IL7: variants seen among roughly 807,000 people sequenced by gnomAD.
IL7 encodes interleukin-7.
Under a neutral mutation model 21.6 loss-of-function variants are expected in IL7, and 3 were observed. The observed-to-expected ratio is 0.14, with a 90% CI of 0.06 to 0.36. IL7 has a LOEUF of 0.36. IL7 is among the 10% of genes least tolerant of loss of function. IL7 has a pLI of 1.00. For missense variants in IL7, 175 were observed against 200.2 expected (o/e 0.87, Z 0.76); for synonymous variants, 62 against 68.1 (o/e 0.91, Z 0.44).
chr8:78,706,999 T>A (rs1810794504), intron 3 of IL7, among the ~76,000 whole-genome samples: 1 of 152,228 alleles, frequency 6.6e-6, no homozygotes, highest in East Asian at 1.9e-4. Flanking sequence ...GATCAGGTAG[T>A]TGAAAAGTAA....
chr8:78,702,452 T>C (rs1392133717), intron 3 of IL7, among the ~76,000 whole-genome samples: 3 of 152,194 alleles, frequency 2.0e-5, no homozygotes, highest in Non-Finnish European at 4.4e-5. Flanking sequence ...TGGTTTTTCA[T>C]GTATCTTCTT....
chr8:78,799,266 T>C (rs1813970313), intron 1 of IL7, among the ~76,000 whole-genome samples: 1 of 152,136 alleles, frequency 6.6e-6, no homozygotes, highest in African/African-American at 2.4e-5. Context: ...GGAACTAATA[T>C]TGTGACAGCC....
intron 3 of IL7, chr8:78,698,525 C>T: frequency 6.4e-7 from 1 of 1,558,576 alleles, no homozygotes; most frequent in Non-Finnish European, 8.8e-7. Flanking sequence ...TAAGTCTACA[C>T]TGGATATAAT....
At chr8:78,720,125 C>A (rs954485961) in intron 5 of IL7, among the ~76,000 whole-genome samples, 1 of 151,714 alleles carries the variant, frequency 6.6e-6, no homozygotes, top group African/African-American at 2.4e-5. Context: ...ATATTTTAGA[C>A]CACATTTAAA....
downstream of IL7, among the ~76,000 whole-genome samples, chr8:78,716,553 C>CA (rs1811111875): frequency 6.6e-6 from 1 of 152,158 alleles, no homozygotes; most frequent in South Asian, 2.1e-4. Context: ...AGCATCACCT[C>CA]ACAATCCTTG....
chr8:78,719,357 G>C (rs765427708), intron 5 of IL7: 6 of 151,668 alleles, frequency 4.0e-5, no homozygotes, highest in Non-Finnish European at 4.4e-5. Flanking sequence ...ACCACATGGA[G>C]ATGAGTTGGT....
chr8:78,787,885 A>G (rs1278097113), intron 2 of IL7, among the ~76,000 whole-genome samples: 1 of 152,142 alleles, frequency 6.6e-6, no homozygotes, highest in Non-Finnish European at 1.5e-5. Flanking sequence ...AGTCTCTCAG[A>G]GTTCTGGAAG....
At chr8:78,739,902 A>C (rs1029342638) in intron 3 of IL7, 100 bp downstream of exon 3, 1 of 1,037,132 alleles carries the variant, frequency 9.6e-7, no homozygotes, top group African/African-American at 1.7e-5. Context: ...TCAGGCTGCA[A>C]ATATTAATAG....
At chr8:78,682,466 A>G (rs1266147239) in intron 4 of IL7, among the ~76,000 whole-genome samples, 2 of 152,118 alleles carry the variant, frequency 1.3e-5, no homozygotes, top group Non-Finnish European at 2.9e-5. Flanking sequence ...GGCAGACAAG[A>G]GCAGGGGAAC....
At chr8:78,710,047 C>G (rs1810905089) in intron 3 of IL7, among the ~76,000 whole-genome samples, 1 of 152,044 alleles carries the variant, frequency 6.6e-6, no homozygotes. Context: ...ATGACTTTTC[C>G]TATGTTAAAG....
chr8:78,707,086 A>G lies in IL7; in HGVS notation n.214+14262T>C, dbSNP rs76636461. Among the ~76,000 whole-genome samples the G allele has an allele frequency of 1.7e-4, 26 of 152,338 alleles. No homozygotes were observed. The East Asian group carries it at 5.0e-3, about 29-fold the overall frequency. On this transcript the variant is annotated intron_variant and non_coding_transcript_variant, in intron 3 of 4. Coordinates refer to the IL7 transcript ENST00000523959. ...CAATGAGTTGACTCATTGGATGATT[A>G]AGTGAAGTATAGACATAGCAATATG...
At chr8:78,799,842 C>G (rs1047016248) in intron 1 of IL7, among the ~76,000 whole-genome samples, 2 of 152,216 alleles carry the variant, frequency 1.3e-5, no homozygotes, top group African/African-American at 4.8e-5. Flanking sequence ...CCTCTCTCTT[C>G]TACTCCTGTT....
rs187367044 is a variant in IL7, at chr8:78,725,920, C to T, written n.268-4480G>A. On this transcript the variant is annotated intron_variant and non_coding_transcript_variant, in intron 3 of 6. Coordinates refer to the IL7 transcript ENST00000519833. ...GATCAAAACTTTATTTTATTTAATT[C>T]CCACCAGGCACTATTTTAGGTGCAG... 3.7e-3 allele frequency among the ~76,000 whole-genome samples: 565 copies of T among 151,922 alleles called. 2 individuals are homozygous for T. Among genetic ancestry groups the T allele is most frequent in the Non-Finnish European group, 6.6e-3 (445 of 67,908 alleles).
chr8:78,762,447 G>A (rs905767208), intron 2 of IL7: 6 of 1,572,160 alleles, frequency 3.8e-6, no homozygotes, highest in Admixed American at 1.9e-5. Flanking sequence ...CCCGCCCGCC[G>A]GCCGGTCCAG....
intron 2 of IL7, among the ~76,000 whole-genome samples, chr8:78,793,128 A>C (rs1813747442): frequency 6.6e-6 from 1 of 152,176 alleles, no homozygotes; most frequent in Admixed American, 6.6e-5. Context: ...CAATACAAAA[A>C]GCTGCATATC....
chr8:78,804,399 G>A (rs1315517114), intron 1 of IL7, among the ~76,000 whole-genome samples: 1 of 152,160 alleles, frequency 6.6e-6, no homozygotes, highest in African/African-American at 2.4e-5. Flanking sequence ...CTTACTCAGG[G>A]GGGAAAAATG....
rs576775025 is a variant in IL7, at chr8:78,758,730, T to G, written c.148-18648A>C. Among the ~76,000 whole-genome samples the G allele has an allele frequency of 4.6e-5, 7 of 152,226 alleles. No individual in the cohort carries two copies. In the East Asian group the frequency reaches 1.4e-3, roughly 29 times the overall value. On this transcript the variant is annotated intron_variant, in intron 2 of 5. Coordinates refer to ENST00000263851, the MANE Select transcript of IL7 (RefSeq NM_000880.4). ...GTAATAGGCTGCTAGTCTGATGGGA[T>G]TTCCCCCAACATGTGACTTGATGTT... is the stretch of plus-strand genomic sequence containing the variant.
At chr8:78,726,146 G>A (rs778944423) in intron 3 of IL7, among the ~76,000 whole-genome samples, 9 of 152,016 alleles carry the variant, frequency 5.9e-5, no homozygotes, top group South Asian at 2.1e-4. Flanking sequence ...GTTCAGGGAT[G>A]ATTTCATTGA....
rs1051656459 is a variant in IL7 at position 78,696,562 on chromosome 8, T to C, written n.215-10615A>G. ...TTTATTGTCAGGTAACTGAGCAAAA[T>C]TTGGCTCAAAAAGAGAAAGTAAAAT... On this transcript the variant is annotated intron_variant and non_coding_transcript_variant, in intron 3 of 4. Transcript: ENST00000523959. Among the ~76,000 whole-genome samples the C allele has an allele frequency of 2.6e-5, 4 of 152,210 alleles. No individual in the cohort carries two copies. The East Asian group carries it at 7.7e-4, about 29-fold the overall frequency.
Sources: gnomAD v4.1 joint callset for allele counts (sites outside exome capture counted in the v4.1 genomes callset) on GRCh38, gnomAD v4.1.1 for gene constraint, MANE v1.5 for transcripts, NCBI Gene and HGNC (gene_info 2026-07-23, HGNC 2026-07-21) for gene names.